KCMF1: variants seen among roughly 807,000 people sequenced by gnomAD.
KCMF1 encodes the protein E3 ubiquitin-protein ligase KCMF1.
Under a neutral mutation model 41.1 loss-of-function variants are expected in KCMF1, and 3 were observed. That is an observed-to-expected ratio of 0.07 (90% CI 0.03 to 0.19). The LOEUF (loss-of-function observed/expected upper bound fraction) is 0.19. Ranked by LOEUF, KCMF1 falls within the 10% of genes least tolerant of loss-of-function variation. The pLI is 1.00. For missense variants in KCMF1, 286 were observed against 488.9 expected (o/e 0.58, Z 3.91); for synonymous variants, 142 against 164.5 (o/e 0.86, Z 1.04).
chr2:85,007,153 T>G (rs1464252161), intron 1 of KCMF1, among the ~76,000 whole-genome samples: 1 of 149,436 alleles, frequency 6.7e-6, no homozygotes, highest in Admixed American at 6.6e-5. Flanking sequence ...CATGTCCATA[T>G]CCACTAACTG....
chr2:85,013,927 CTT>C (rs1209897397), intron 1 of KCMF1: 1 of 152,066 alleles, frequency 6.6e-6, no homozygotes, highest in Admixed American at 6.6e-5. Context: ...TGTAGTGTGT[CTT>C]TTTCAGGCCA....
intron 1 of KCMF1, among the ~76,000 whole-genome samples, chr2:85,016,081 T>C (rs942934488): frequency 1.3e-5 from 2 of 152,318 alleles, no homozygotes; most frequent in South Asian, 2.1e-4. Flanking sequence ...TTAAATGTTT[T>C]AAATGCTGAA....
chr2:84,993,902 T>G (rs555013509), intron 1 of KCMF1, among the ~76,000 whole-genome samples: 19 of 135,400 alleles, frequency 1.4e-4, no homozygotes, highest in South Asian at 5.1e-4. Context: ...GTTTGAACAT[T>G]TTTTGTTTTG....
At chr2:85,047,462 T>C (rs1176085039) in intron 5 of KCMF1, among the ~76,000 whole-genome samples, 8 of 152,230 alleles carry the variant, frequency 5.3e-5, no homozygotes, top group Middle Eastern at 6.8e-3. Context: ...CTATAGCTAA[T>C]TGAAAAGACT....
At chr2:84,981,584 T>C (rs1173818426) in intron 1 of KCMF1, among the ~76,000 whole-genome samples, 1 of 152,144 alleles carries the variant, frequency 6.6e-6, no homozygotes, top group African/African-American at 2.4e-5. Context: ...AGGATTTTCA[T>C]TAGGAGAGTC....
intron 5 of KCMF1, among the ~76,000 whole-genome samples, chr2:85,046,653 G>A (rs562898142): frequency 8.7e-5 from 13 of 149,990 alleles, no homozygotes; most frequent in Non-Finnish European, 1.8e-4. Flanking sequence ...AAAACTTTTT[G>A]TGAGATTTGT....
intron 1 of KCMF1, among the ~76,000 whole-genome samples, chr2:85,009,364 T>C (rs114802584): frequency 6.8e-4 from 103 of 152,216 alleles, no homozygotes; most frequent in African/African-American, 2.3e-3. Context: ...AAACCTCTCT[T>C]CTTCATAAAT....
chr2:85,004,365 G>A (rs1271125233), intron 1 of KCMF1, among the ~76,000 whole-genome samples: 6 of 152,062 alleles, frequency 3.9e-5, no homozygotes, highest in African/African-American at 1.4e-4. Flanking sequence ...CAAAAAATTA[G>A]GCAGGCATGG....
intron 1 of KCMF1, among the ~76,000 whole-genome samples, chr2:85,020,412 A>G (rs1175665896): frequency 1.3e-5 from 2 of 152,146 alleles, no homozygotes; most frequent in Non-Finnish European, 2.9e-5. Context: ...AAGCATCGTC[A>G]TGCATGGAAG....
At chr2:85,029,777 GTTCAAGCGA>G (rs1009613368) in intron 2 of KCMF1, among the ~76,000 whole-genome samples, 1 of 150,296 alleles carries the variant, frequency 6.7e-6, no homozygotes, top group African/African-American at 2.5e-5. Context: ...CACCTCCTGG[GTTCAAGCGA>G]TTCTCCTGCC....
At chr2:84,978,832 C>T (rs535777110) in intron 1 of KCMF1, among the ~76,000 whole-genome samples, 226 of 152,272 alleles carry the variant, frequency 1.5e-3, no homozygotes, top group Non-Finnish European at 2.2e-3. Flanking sequence ...TCTCCTGCCT[C>T]AGCCTCCCGA....
At chr2:84,996,645 A>G (rs1242725350) in intron 1 of KCMF1, among the ~76,000 whole-genome samples, 1 of 152,032 alleles carries the variant, frequency 6.6e-6, no homozygotes, top group Non-Finnish European at 1.5e-5. Context: ...CATGTTGGCC[A>G]GACTCGTCTC....
Position 85,057,814 on chromosome 2 carries a change from A to T in KCMF1, c.*4405A>T, listed in dbSNP as rs1202502966. On this transcript the variant is annotated 3_prime_UTR_variant, in exon 7 of 7. Coordinates refer to ENST00000409785, the MANE Select transcript of KCMF1 (RefSeq NM_020122.5). ...TTCCTCAACTTGGTTAGCAAATTCA[A>T]GTTTTGAAAGACGATTCGTCTCAGA... is the stretch of plus-strand genomic sequence containing the variant. 6.6e-6 allele frequency: 1 copy of T among 152,228 alleles called. No individual in the cohort carries two copies. The highest frequency in any genetic ancestry group is 2.4e-5 in the African/African-American group (1 of 41,454). 9.4% of individuals were successfully genotyped at this position (152,228 alleles called of 1,614,324 possible).
intron 1 of KCMF1, among the ~76,000 whole-genome samples, chr2:85,006,295 C>CTTTTTTTTTTT (rs1163405427): frequency 1.3e-4 from 12 of 94,214 alleles, no homozygotes; most frequent in South Asian, 3.7e-4. Context: ...TTCTCATTTT[C>CTTTTTTTTTTT]TTTTTTTTTT....
At chr2:84,973,830 T>TTC (rs1249728912) in intron 1 of KCMF1, among the ~76,000 whole-genome samples, 1 of 144,182 alleles carries the variant, frequency 6.9e-6, no homozygotes, top group Non-Finnish European at 1.5e-5. Context: ...TCTTTCTTTT[T>TTC]TTTTTTTTTT....
At chr2:84,975,642 T>G (rs1191666736) in intron 1 of KCMF1, among the ~76,000 whole-genome samples, 1 of 152,200 alleles carries the variant, frequency 6.6e-6, no homozygotes, top group Non-Finnish European at 1.5e-5. Context: ...TTTTATAGAC[T>G]TTAGCACCCA....
At chr2:85,047,222 TTC>T (rs1675689205) in intron 5 of KCMF1, among the ~76,000 whole-genome samples, 1 of 152,184 alleles carries the variant, frequency 6.6e-6, no homozygotes, top group Non-Finnish European at 1.5e-5. Flanking sequence ...CATAAAAGAT[TTC>T]AACTTGAATA....
intron 5 of KCMF1, among the ~76,000 whole-genome samples, chr2:85,047,825 C>T (rs1017696181): frequency 1.3e-5 from 2 of 151,982 alleles, no homozygotes; most frequent in African/African-American, 4.8e-5. Context: ...GAAGTGTGCA[C>T]CTACCTGGAA....
rs1675998210 is a variant in KCMF1, at chr2:85,058,700, C to CAAATTTTTTTT, written c.*5291_*5292insAAATTTTTTTT. ...CCCCTGTAAGAATTTTCTAAAAGAG[C>CAAATTTTTTTT]CTTTCTCCCTTACACAATTGAAACG... is the stretch of plus-strand genomic sequence containing the variant. On this transcript the variant is annotated 3_prime_UTR_variant, in exon 7 of 7. Transcript: ENST00000409785. 6.6e-6 allele frequency: 1 copy of CAAATTTTTTTT among 152,176 alleles called. No homozygotes were observed. Among genetic ancestry groups the CAAATTTTTTTT allele is most frequent in the Non-Finnish European group, 1.5e-5 (1 of 68,026 alleles). 9.4% of individuals were successfully genotyped at this position (152,176 alleles called of 1,614,324 possible).
Sources: allele counts gnomAD v4.1 joint callset (sites outside exome capture counted in the v4.1 genomes callset), GRCh38; gene constraint gnomAD v4.1.1; transcripts MANE v1.5; gene names NCBI Gene and HGNC (gene_info 2026-07-23, HGNC 2026-07-21).